Variants in TENM2 observed in about 807,000 individuals in gnomAD.
The protein encoded by TENM2 is teneurin transmembrane protein 2, also known as teneurin-2.
A neutral mutation model predicts 245.2 loss-of-function variants in TENM2; 52 were observed. The ratio of observed to expected loss-of-function variants is 0.21; its 90% confidence interval spans 0.17 to 0.27. The LOEUF is 0.27. TENM2 is among the 10% of genes least tolerant of loss of function. TENM2 has a pLI of 1.00. For missense variants in TENM2, 3,046 were observed against 3,666.8 expected, an observed-to-expected ratio of 0.83 and a Z score of 4.37; for synonymous variants, 1,363 against 1,438.9, an observed-to-expected ratio of 0.95 and a Z score of 1.19.
chr5:167,481,603 G>A (rs1315047414), intron 2 of TENM2, among the ~76,000 whole-genome samples: 1 of 152,064 alleles, frequency 6.6e-6, no homozygotes, highest in Non-Finnish European at 1.5e-5. Flanking sequence ...AGCGTTTCAA[G>A]TGCCACATGT....
At chr5:167,607,379 C>A (rs959665700) in intron 2 of TENM2, among the ~76,000 whole-genome samples, 3 of 152,028 alleles carry the variant, frequency 2.0e-5, no homozygotes, top group Non-Finnish European at 2.9e-5. Context: ...TGTAAAAGCT[C>A]CTGATACTTA....
At chr5:167,425,443 T>C (rs1449332699) in intron 2 of TENM2, among the ~76,000 whole-genome samples, 1 of 152,144 alleles carries the variant, frequency 6.6e-6, no homozygotes, top group Non-Finnish European at 1.5e-5. Context: ...CAAATAGCAC[T>C]CAGTGAGGGC....
intron 28 of TENM2, among the ~76,000 whole-genome samples, chr5:168,261,104 T>C (rs1019681974): frequency 2.0e-5 from 3 of 152,170 alleles, no homozygotes; most frequent in African/African-American, 7.2e-5. Flanking sequence ...CAGCGTTCAC[T>C]CAGTCCTGCC....
At chr5:168,222,858 C>T (rs893731155) in intron 23 of TENM2, among the ~76,000 whole-genome samples, 3 of 152,192 alleles carry the variant, frequency 2.0e-5, no homozygotes, top group Non-Finnish European at 2.9e-5. Flanking sequence ...AATTTTGCTC[C>T]ATTTTCTTCC....
chr5:167,893,476 C>T (rs1031206539), intron 3 of TENM2, among the ~76,000 whole-genome samples: 2 of 152,118 alleles, frequency 1.3e-5, no homozygotes, highest in Non-Finnish European at 2.9e-5. Context: ...AAAGGAACAA[C>T]CTCTTTAACT....
chr5:167,326,368 C>T (rs1757077014), intron 1 of TENM2, among the ~76,000 whole-genome samples: 2 of 151,940 alleles, frequency 1.3e-5, no homozygotes, highest in South Asian at 2.1e-4. Flanking sequence ...TAATTTTATA[C>T]GTACTCTTAA....
the TENM2 span, among the ~76,000 whole-genome samples, chr5:167,015,067 G>A: frequency 7.9e-5 from 12 of 152,174 alleles, no homozygotes; most frequent in South Asian, 1.0e-3. Flanking sequence ...TATATACAAA[G>A]TGTGTAGATG....
chr5:167,075,929 C>T, the TENM2 span, among the ~76,000 whole-genome samples: 4 of 152,190 alleles, frequency 2.6e-5, no homozygotes, highest in Non-Finnish European at 2.9e-5. Flanking sequence ...ATGAGAATAG[C>T]TTTGCCAGGC....
chr5:167,224,671 G>A, the TENM2 span, among the ~76,000 whole-genome samples: 5 of 151,656 alleles, frequency 3.3e-5, no homozygotes, highest in African/African-American at 4.8e-5. Context: ...GGCTATTCTG[G>A]CTATTTATTT....
chr5:167,763,530 A>G (rs1762811132), intron 2 of TENM2, among the ~76,000 whole-genome samples: 1 of 152,190 alleles, frequency 6.6e-6, no homozygotes, highest in African/African-American at 2.4e-5. Context: ...GGGGAATAGA[A>G]AAGTCAAAGA....
chr5:167,412,382 C>T (rs1307590433), intron 2 of TENM2, among the ~76,000 whole-genome samples: 4 of 151,976 alleles, frequency 2.6e-5, no homozygotes, highest in Non-Finnish European at 5.9e-5. Flanking sequence ...GTTAGCAGGC[C>T]GGGCAAGGTG....
At chr5:167,678,264 G>A (rs1212669745) in intron 2 of TENM2, among the ~76,000 whole-genome samples, 2 of 151,838 alleles carry the variant, frequency 1.3e-5, no homozygotes, top group Non-Finnish European at 2.9e-5. Flanking sequence ...TGTTATATTT[G>A]TAATCAGGGA....
intron 2 of TENM2, among the ~76,000 whole-genome samples, chr5:167,798,882 A>G (rs766840169): frequency 1.3e-5 from 2 of 152,194 alleles, no homozygotes; most frequent in Admixed American, 6.5e-5. Flanking sequence ...TAGTATGCTG[A>G]ACCCTACCCT....
At chr5:167,176,736 C>T in the TENM2 span, among the ~76,000 whole-genome samples, 1 of 152,110 alleles carries the variant, frequency 6.6e-6, no homozygotes, top group African/African-American at 2.4e-5. Context: ...TTGTATCTTC[C>T]ATGTAAGGTG....
At chr5:167,501,001 T>A (rs1317019729) in intron 2 of TENM2, among the ~76,000 whole-genome samples, 1 of 152,172 alleles carries the variant, frequency 6.6e-6, no homozygotes, top group Admixed American at 6.6e-5. Context: ...TTTAGTGTGA[T>A]AACCAAGTGT....
chr5:167,346,543 C>T (rs760610755), intron 1 of TENM2, among the ~76,000 whole-genome samples: 5 of 152,150 alleles, frequency 3.3e-5, no homozygotes, highest in East Asian at 1.9e-4. Flanking sequence ...TAGAGTTCTC[C>T]GAGGTCATTT....
At chr5:167,780,382 G>A (rs1349497349) in intron 2 of TENM2, among the ~76,000 whole-genome samples, 3 of 152,200 alleles carry the variant, frequency 2.0e-5, no homozygotes, top group African/African-American at 7.2e-5. Context: ...CCCAGCTGGA[G>A]CCAAACAAGG....
At chr5:167,627,739 T>C (rs1358456059) in intron 2 of TENM2, among the ~76,000 whole-genome samples, 1 of 152,056 alleles carries the variant, frequency 6.6e-6, no homozygotes, top group South Asian at 2.1e-4. Flanking sequence ...TGTATTTTAA[T>C]AGAGATGGGG....
At position 168,241,588 on chromosome 5, in the gene TENM2, T is replaced by C. The variant is rs34451115; in HGVS notation, c.5521-2832T>C. On this transcript the variant is annotated intron_variant, in intron 25 of 28. Transcript: ENST00000518659. ...TATGCATCCTCTTTTCTAATTGTCC[T>C]ATAATAAATATTCTATCCTCTCTCT... is the stretch of plus-strand genomic sequence containing the variant. Among the ~76,000 whole-genome samples, 218 of 152,208 alleles carry C rather than the reference T, an allele frequency of 1.4e-3. 2 individuals carry two copies. Among genetic ancestry groups the C allele is most frequent in the Non-Finnish European group, 1.4e-3 (92 of 68,014 alleles).
Sources: allele counts gnomAD v4.1 joint callset (sites outside exome capture counted in the v4.1 genomes callset), GRCh38; gene constraint gnomAD v4.1.1; transcripts MANE v1.5; gene names NCBI Gene and HGNC (gene_info 2026-07-23, HGNC 2026-07-21).